Variants in CSMD2 observed in about 807,000 individuals in gnomAD.
The protein encoded by CSMD2 is CUB and sushi domain-containing protein 2.
Under a neutral mutation model 398.5 loss-of-function variants are expected in CSMD2, and 130 were observed. The ratio of observed to expected loss-of-function variants is 0.33; its 90% CI spans 0.28 to 0.38. The LOEUF (loss-of-function observed/expected upper bound fraction) is 0.38, where lower values mean the gene tolerates loss of function less well. CSMD2 is among the 10% of genes least tolerant of loss of function. The probability of loss-of-function intolerance (pLI) is 1.00; values close to 1 mark genes in which losing one functional copy is unlikely to be tolerated. For synonymous variants in CSMD2, 1,828 were observed against 1,908.5 expected, an observed-to-expected ratio of 0.96 and a Z score of 1.10; for missense variants, 3,829 against 4,764.9, an observed-to-expected ratio of 0.80 and a Z score of 5.78.
chr1:34,077,121 C>T (rs1169115830), intron 2 of CSMD2, among the ~76,000 whole-genome samples: 2 of 150,832 alleles, frequency 1.3e-5, no homozygotes, highest in South Asian at 2.1e-4. Context: ...TTTGTTGGAA[C>T]GCATCCATAA....
chr1:33,611,029 C>T lies in CSMD2; in HGVS notation c.6343+12G>A. 4 of 1,612,320 alleles carry T rather than the reference C, an allele frequency of 2.5e-6. No homozygotes were observed. The South Asian group carries it at 4.4e-5, about 18-fold the overall frequency. On this transcript the variant is annotated intron_variant, in intron 41 of 70. Transcript: ENST00000373381. ...TAGACAGAGAAGCAAAGGCGGTGCT[C>T]CTTGTCCTTACCCTGATACTCCAGC...
chr1:33,692,850 G>C (rs895485251), intron 25 of CSMD2, 80 bp downstream of exon 25: 1 of 1,551,512 alleles, frequency 6.4e-7, no homozygotes, highest in African/African-American at 1.4e-5. Context: ...CCAGGCACTA[G>C]CTGGATGGCC....
At chr1:33,760,763 G>A (rs971895127) in intron 13 of CSMD2, among the ~76,000 whole-genome samples, 1 of 152,124 alleles carries the variant, frequency 6.6e-6, no homozygotes, top group Non-Finnish European at 1.5e-5. Context: ...AATTTTGGCT[G>A]AATTTGAAAC....
chr1:34,153,666 G>A (rs564801672), intron 1 of CSMD2, among the ~76,000 whole-genome samples: 10 of 152,322 alleles, frequency 6.6e-5, no homozygotes, highest in Middle Eastern at 3.4e-3. Flanking sequence ...CCATTAAATT[G>A]TACTTTAACT....
At chr1:34,006,381 C>A (rs968299435) in intron 3 of CSMD2, among the ~76,000 whole-genome samples, 2 of 152,120 alleles carry the variant, frequency 1.3e-5, no homozygotes, top group East Asian at 3.9e-4. Context: ...CCTAGAGCCG[C>A]CAATAGATCA....
intron 14 of CSMD2, among the ~76,000 whole-genome samples, chr1:33,741,127 CT>C (rs1194996037): frequency 6.6e-6 from 1 of 152,230 alleles, no homozygotes; most frequent in Admixed American, 6.5e-5. Flanking sequence ...AGGAATTAGC[CT>C]TGTTACCGGG....
intron 25 of CSMD2, among the ~76,000 whole-genome samples, chr1:33,678,816 C>T (rs1251803909): frequency 6.6e-6 from 1 of 152,246 alleles, no homozygotes; most frequent in East Asian, 1.9e-4. Context: ...AAATAAAAGG[C>T]TCTTCTCTTC....
intron 9 of CSMD2, chr1:33,814,141 A>T (rs3856129): frequency 0.79 from 120,602 of 152,178 alleles, 48,811 homozygotes; most frequent in East Asian, 0.96. Flanking sequence ...CCTTATGCAA[A>T]TTTGATCACA....
At chr1:33,792,336 T>TCCACA in intron 11 of CSMD2, 87 bp downstream of exon 11, 1 of 861,012 alleles carries the variant, frequency 1.2e-6, no homozygotes, top group Non-Finnish European at 2.0e-6. Flanking sequence ...TAGTATGGTC[T>TCCACA]AGGGACCAGG....
chr1:33,676,247 C>G (rs1005958193), intron 25 of CSMD2, among the ~76,000 whole-genome samples: 1 of 152,168 alleles, frequency 6.6e-6, no homozygotes, highest in African/African-American at 2.4e-5. Context: ...AGCTGATAAG[C>G]AACTTCAGCA....
rs1176097911 is a variant in CSMD2 at position 33,521,702 on chromosome 1, G to A, written c.10510-152C>T. The A allele has an allele frequency of 1.1e-5, 7 of 642,442 alleles. No individual in the cohort carries two copies. The Admixed American group carries it at 1.3e-4, about 12-fold the overall frequency. 39.8% of individuals were successfully genotyped at this position (642,442 alleles called of 1,614,324 possible). A position where few individuals can be genotyped will look rare whatever the true frequency, so the allele number is the denominator to read the frequency against. ...CTCTGCCCACACCTAGGCAAGGGTG[G>A]GTGTGACCGGGGAGCCCGGGGTGGG... On this transcript the variant is annotated intron_variant, in intron 67 of 70. Transcript: ENST00000373381.
intron 1 of CSMD2, among the ~76,000 whole-genome samples, chr1:34,162,502 A>G (rs1042308568): frequency 4.6e-5 from 7 of 152,154 alleles, no homozygotes; most frequent in African/African-American, 1.7e-4. Context: ...CACCAAGTCC[A>G]TTTCCAAATC....
At position 33,518,292 on chromosome 1, in the gene CSMD2, C is replaced by T. The variant is rs1054398895; in HGVS notation, c.*53+1173G>A. On this transcript the variant is annotated intron_variant, in intron 70 of 70. Transcript: ENST00000373381. This position sits in a 1 kb window ranked among gnomAD's most constrained non-coding sequence, Gnocchi z 4.3. ...TAGGTCCCAGAGGTGAGGGTGTCAT[C>T]GAAGGAGGACACAGTGAGGAAGAGG... Among the ~76,000 whole-genome samples, 1 of 152,168 alleles carries T rather than the reference C, an allele frequency of 6.6e-6. No homozygotes were observed. Among genetic ancestry groups the T allele is most frequent in the Non-Finnish European group, 1.5e-5 (1 of 68,024 alleles).
chr1:34,109,335 G>A (rs1235587319), intron 1 of CSMD2, among the ~76,000 whole-genome samples: 1 of 152,130 alleles, frequency 6.6e-6, no homozygotes, highest in Non-Finnish European at 1.5e-5. Context: ...CTATCAAAAG[G>A]GAGAGCTCAA....
At chr1:34,068,418 C>T (rs1278019660) in intron 2 of CSMD2, among the ~76,000 whole-genome samples, 1 of 152,182 alleles carries the variant, frequency 6.6e-6, no homozygotes, top group Non-Finnish European at 1.5e-5. Context: ...AAAAACTTTT[C>T]AATACAAAAG....
rs141951670 is a variant in CSMD2, at chr1:33,942,711, T to C, written c.518-6757A>G. Among the ~76,000 whole-genome samples the C allele has an allele frequency of 6.8e-4, 104 of 152,338 alleles. No homozygotes were observed. The South Asian group carries it at 7.5e-3, about 11-fold the overall frequency. ...GCTCCAGGAGACTGAAAAGCTGAGA[T>C]TGAGAACAACTCCCACTAACCTATT... is the stretch of plus-strand genomic sequence containing the variant. On this transcript the variant is annotated intron_variant, in intron 3 of 70. Coordinates refer to ENST00000373381, the MANE Select transcript of CSMD2 (RefSeq NM_001281956.2).
intron 25 of CSMD2, among the ~76,000 whole-genome samples, chr1:33,663,513 G>T (rs754404111): frequency 6.6e-6 from 1 of 152,190 alleles, no homozygotes; most frequent in Non-Finnish European, 1.5e-5. Context: ...AAATAATTGG[G>T]GCTAGAGGGC....
chr1:34,127,644 C>T (rs1389699697), intron 1 of CSMD2, among the ~76,000 whole-genome samples: 1 of 152,132 alleles, frequency 6.6e-6, no homozygotes, highest in African/African-American at 2.4e-5. Context: ...GGAATGGCCA[C>T]TCTTAGGATT....
intron 13 of CSMD2, among the ~76,000 whole-genome samples, chr1:33,752,189 T>C (rs1430632223): frequency 6.6e-6 from 1 of 152,176 alleles, no homozygotes; most frequent in African/African-American, 2.4e-5. Context: ...AAAAAATATA[T>C]AGTTTGGTTT....
Sources: gnomAD v4.1 joint callset for allele counts (sites outside exome capture counted in the v4.1 genomes callset) on GRCh38, gnomAD v4.1.1 for gene constraint, Gnocchi (gnomAD v3.1) non-coding constraint, MANE v1.5 for transcripts, NCBI Gene and HGNC (gene_info 2026-07-23, HGNC 2026-07-21) for gene names.